Variants in RBPMS observed in about 807,000 individuals in gnomAD.
RBPMS encodes RNA-binding protein with multiple splicing.
A neutral mutation model predicts 26.8 loss-of-function variants in RBPMS; 7 were observed. That is an observed-to-expected ratio of 0.26 (90% CI 0.15 to 0.49). The LOEUF (loss-of-function observed/expected upper bound fraction) is 0.49. Ranked by LOEUF, RBPMS falls within the 20% of genes least tolerant of loss-of-function variation. RBPMS has a pLI of 0.98. For missense variants in RBPMS, 186 were observed against 250.0 expected, an observed-to-expected ratio of 0.74 and a Z score of 1.73; for synonymous variants, 96 against 93.3, an observed-to-expected ratio of 1.03 and a Z score of -0.17.
chr8:30,387,886 T>C (rs1807298590), intron 1 of RBPMS, among the ~76,000 whole-genome samples: 1 of 152,204 alleles, frequency 6.6e-6, no homozygotes, highest in South Asian at 2.1e-4. Context: ...TCTAATTGTG[T>C]AGAATGAACA....
At chr8:30,503,682 C>CT (rs1820796760) in intron 4 of RBPMS, among the ~76,000 whole-genome samples, 1 of 152,096 alleles carries the variant, frequency 6.6e-6, no homozygotes, top group South Asian at 2.1e-4. Flanking sequence ...TCTTAGGAGA[C>CT]TCGTTTTCAG....
chr8:30,427,564 T>A (rs1345698803), intron 1 of RBPMS, among the ~76,000 whole-genome samples: 1 of 152,200 alleles, frequency 6.6e-6, no homozygotes, highest in Non-Finnish European at 1.5e-5. Context: ...TGGCAAACTC[T>A]CTCTCTTCCT....
chr8:30,567,515 ATCAC>A (rs1827984571), intron 8 of RBPMS, among the ~76,000 whole-genome samples: 1 of 152,210 alleles, frequency 6.6e-6, no homozygotes, highest in Non-Finnish European at 1.5e-5. Context: ...CTTAATGGTC[ATCAC>A]TCACTCAAAC....
intron 1 of RBPMS, among the ~76,000 whole-genome samples, chr8:30,459,727 C>T (rs1474131579): frequency 6.6e-6 from 1 of 152,202 alleles, no homozygotes; most frequent in South Asian, 2.1e-4. Context: ...AAGCCACACT[C>T]CTCAATTTAA....
At chr8:30,551,241 C>T (rs532151956) in intron 6 of RBPMS, among the ~76,000 whole-genome samples, 3 of 152,322 alleles carry the variant, frequency 2.0e-5, no homozygotes, top group African/African-American at 4.8e-5. Flanking sequence ...CAAAACCATC[C>T]GTCCAGGGTG....
At chr8:30,479,228 T>G in intron 3 of RBPMS, 87 bp from the exon 4 acceptor site, 1 of 944,368 alleles carries the variant, frequency 1.1e-6, no homozygotes, top group South Asian at 1.4e-5. Flanking sequence ...TTCTTTATCT[T>G]AGCTCTTCAG....
Position 30,566,187 on chromosome 8 carries a change from C to T in RBPMS, c.*8-70C>T, listed in dbSNP as rs370791063. On this transcript the variant is annotated intron_variant, in intron 7 of 8. Transcript: ENST00000397323. Reference sequence around the variant, plus strand: ...CTCTCTGCCCTCAGAACAGGCCGGTCTTCAAGACCGAGGCAGCCCCAGGTG... The same window carrying T: ...CTCTCTGCCCTCAGAACAGGCCGGTTTTCAAGACCGAGGCAGCCCCAGGTG... 11 of 904,774 alleles carry T rather than the reference C, an allele frequency of 1.2e-5. No individual in the cohort carries two copies. In the African/African-American group the frequency reaches 1.3e-4, roughly 10 times the overall value. 56.0% of individuals were successfully genotyped at this position (904,774 alleles called of 1,614,324 possible). A position where few individuals can be genotyped will look rare whatever the true frequency, so the allele number is the denominator to read the frequency against.
chr8:30,421,447 C>T (rs762046127), intron 1 of RBPMS, among the ~76,000 whole-genome samples: 15 of 152,288 alleles, frequency 9.8e-5, no homozygotes, highest in Non-Finnish European at 2.1e-4. Flanking sequence ...CATAAATCCT[C>T]TATAGTGTTT....
intron 1 of RBPMS, among the ~76,000 whole-genome samples, chr8:30,434,628 G>C (rs186845493): frequency 2.6e-5 from 4 of 151,260 alleles, no homozygotes. Flanking sequence ...CACTTGAACC[G>C]GGATGGCGGC....
At chr8:30,551,339 G>A (rs768158997) in intron 6 of RBPMS, among the ~76,000 whole-genome samples, 10 of 152,162 alleles carry the variant, frequency 6.6e-5, no homozygotes, top group African/African-American at 1.2e-4. Context: ...AGGAAATGCC[G>A]TTCAGAAACC....
At chr8:30,426,452 T>G (rs1463510716) in intron 1 of RBPMS, among the ~76,000 whole-genome samples, 1 of 152,162 alleles carries the variant, frequency 6.6e-6, no homozygotes, top group Non-Finnish European at 1.5e-5. Context: ...AGAATTAGAT[T>G]ACAAATTGAA....
chr8:30,549,351 A>AGCTGTG, intron 6 of RBPMS: 1 of 680,668 alleles, frequency 1.5e-6, no homozygotes, highest in South Asian at 1.7e-5. Context: ...TCTGCTCCAG[A>AGCTGTG]GCTGTGGCTG....
chr8:30,467,805 TG>T (rs1442551527), intron 1 of RBPMS, among the ~76,000 whole-genome samples: 1 of 152,204 alleles, frequency 6.6e-6, no homozygotes, highest in Non-Finnish European at 1.5e-5. Flanking sequence ...ATGCTGAGTT[TG>T]TATTTTCAAA....
chr8:30,513,076 C>T (rs1333698239), intron 5 of RBPMS, among the ~76,000 whole-genome samples: 1 of 151,866 alleles, frequency 6.6e-6, no homozygotes, highest in African/African-American at 2.4e-5. Context: ...TTCTTGCCTC[C>T]AGTCTTTGCT....
chr8:30,498,475 A>C (rs984529427), intron 4 of RBPMS, among the ~76,000 whole-genome samples: 1 of 152,236 alleles, frequency 6.6e-6, no homozygotes, highest in Non-Finnish European at 1.5e-5. Context: ...GGAGACAACA[A>C]GGATGGGGAG....
chr8:30,503,281 A>C (rs978449808), intron 4 of RBPMS, among the ~76,000 whole-genome samples: 1 of 152,072 alleles, frequency 6.6e-6, no homozygotes, highest in Non-Finnish European at 1.5e-5. Flanking sequence ...GACAGAGTCT[A>C]GCTCTGTCAC....
chr8:30,558,703 G>A (rs1827186928), intron 6 of RBPMS, 184 bp from the exon 7 acceptor site: 2 of 665,238 alleles, frequency 3.0e-6, no homozygotes, highest in Admixed American at 2.1e-5. Flanking sequence ...ATAATGGTGT[G>A]TGGAACGCCT....
At chr8:30,488,922 C>G (rs1195909678) in intron 4 of RBPMS, among the ~76,000 whole-genome samples, 2 of 152,102 alleles carry the variant, frequency 1.3e-5, no homozygotes, top group Admixed American at 1.3e-4. Context: ...ATATCCAGGC[C>G]CTGCCACTTT....
chr8:30,520,412 G>C (rs537363895), intron 5 of RBPMS, among the ~76,000 whole-genome samples: 1 of 152,038 alleles, frequency 6.6e-6, no homozygotes, highest in Non-Finnish European at 1.5e-5. Context: ...GTGTTTTTTA[G>C]TATATTTTCA....
Sources: gnomAD v4.1 joint callset for allele counts (sites outside exome capture counted in the v4.1 genomes callset) on GRCh38, gnomAD v4.1.1 for gene constraint, MANE v1.5 for transcripts, NCBI Gene and HGNC (gene_info 2026-07-23, HGNC 2026-07-21) for gene names.